INO80: variants seen among roughly 807,000 people sequenced by gnomAD.
The protein encoded by INO80 is chromatin-remodeling ATPase INO80.
A neutral mutation model predicts 203.4 loss-of-function variants in INO80; 20 were observed. The observed-to-expected ratio is 0.10, with a 90% confidence interval of 0.07 to 0.14. The LOEUF is 0.14. INO80 is among the 10% of genes least tolerant of loss of function. The pLI is 1.00. For missense variants in INO80, 1,419 were observed against 1,914.4 expected (o/e 0.74, Z 4.83); for synonymous variants, 726 against 685.2 (o/e 1.06, Z -0.93).
chr15:41,079,890 G>A lies in INO80; in HGVS notation c.942C>T (p.Cys314=). ...LTNSRKLAHQ[C]MKEVRRAALQ... is the part of the protein sequence containing the mutation. The stretch of plus-strand genomic sequence containing the variant: ...AGGCAGCTCGACGCACCTCCTTCAT[G>A]CACTGGTGAGCAAGCTGAAAACAAC... Residue 314 remains cysteine (C), a synonymous_variant, in exon 9 of 36, where the codon TGC becomes TGT. Coordinates refer to ENST00000648947, the MANE Select transcript of INO80 (RefSeq NM_017553.3). 6.2e-7 allele frequency: 1 copy of A among 1,613,954 alleles called. No individual in the cohort carries two copies. Among genetic ancestry groups the A allele is most frequent in the Non-Finnish European group, 8.5e-7 (1 of 1,179,990 alleles).
chr15:41,067,378 T>G (rs1197688326), intron 14 of INO80, among the ~76,000 whole-genome samples: 2 of 151,938 alleles, frequency 1.3e-5, no homozygotes, highest in African/African-American at 4.8e-5. Context: ...CCGGCCAAGA[T>G]CTTTTATTTT....
rs772084393 is a variant in INO80 at position 40,982,960 on chromosome 15, G to C, written c.4355C>G (p.Ser1452Cys). The change falls in exon 35 of 36, where the codon TCC becomes TGC. Residue 1452 changes from serine to cysteine, a missense_variant. Transcript: ENST00000648947. ...CATTGCAGCAGCACTGCCTGCCGTG[G>C]ACTTTCGGCTCCGGCCCTTCCCTGC... Reference protein sequence around the residue: ...KGAGKGRSRKSTAGSAAAMAG... With the variant: ...KGAGKGRSRKCTAGSAAAMAG... 2 of 1,614,212 alleles carry C rather than the reference G, an allele frequency of 1.2e-6. No individual in the cohort carries two copies. The highest frequency in any genetic ancestry group is 3.3e-5 in the Admixed American group (2 of 60,030).
chr15:41,039,070 A>C (rs1440561492), intron 24 of INO80, among the ~76,000 whole-genome samples: 2 of 152,320 alleles, frequency 1.3e-5, no homozygotes, highest in South Asian at 4.1e-4. Flanking sequence ...TTCTGTCATT[A>C]CTGTCCTTTA....
At chr15:41,081,193 T>C (rs1290482795) in intron 7 of INO80, 120 bp from the exon 8 acceptor site, 12 of 639,930 alleles carry the variant, frequency 1.9e-5, no homozygotes, top group South Asian at 1.3e-4. Context: ...AAGCAAGATA[T>C]ATTACTTCTA....
intron 27 of INO80, among the ~76,000 whole-genome samples, chr15:41,006,682 G>A (rs1475199454): frequency 6.6e-6 from 1 of 152,238 alleles, no homozygotes; most frequent in Non-Finnish European, 1.5e-5. Flanking sequence ...CTTAGATGGA[G>A]TGAGTGCCAA....
At chr15:41,077,757 C>T (rs1255902057) in intron 9 of INO80, among the ~76,000 whole-genome samples, 2 of 152,078 alleles carry the variant, frequency 1.3e-5, no homozygotes, top group Non-Finnish European at 2.9e-5. Context: ...TATGAAGTAT[C>T]ACTATGTTGC....
chr15:41,070,415 A>C (rs1414699943), intron 13 of INO80, 52 bp downstream of exon 13: 1 of 1,509,214 alleles, frequency 6.6e-7, no homozygotes, highest in Non-Finnish European at 9.2e-7. Context: ...TTTTCAACAG[A>C]AATTACCCTA....
intron 1 of INO80, among the ~76,000 whole-genome samples, chr15:41,113,390 C>T (rs2045984551): frequency 6.6e-6 from 1 of 152,114 alleles, no homozygotes; most frequent in Non-Finnish European, 1.5e-5. Context: ...CCTCAGCCTC[C>T]TGAGTAGCTG....
chr15:40,992,049 T>C (rs1322821083), intron 29 of INO80, among the ~76,000 whole-genome samples: 1 of 152,236 alleles, frequency 6.6e-6, no homozygotes, highest in African/African-American at 2.4e-5. Flanking sequence ...GTGCTGGGAT[T>C]ACAGGCGTGA....
chr15:41,020,640 C>CT (rs11369722), intron 26 of INO80, among the ~76,000 whole-genome samples: 127,041 of 146,910 alleles, frequency 0.86, 56,754 homozygotes, highest in East Asian at 0.99. Context: ...TTATTTCTAC[C>CT]TTTTTTTTTT....
rs1264865646 is a variant in INO80 at position 40,980,325 on chromosome 15, A to G, written c.4569T>C (p.Asn1523=). 4 of 1,613,910 alleles carry G rather than the reference A, an allele frequency of 2.5e-6. No homozygotes were observed. Among genetic ancestry groups the G allele is most frequent in the East Asian group, 4.5e-5 (2 of 44,896 alleles). Residue 1523 remains asparagine (N), a synonymous_variant, in exon 36 of 36, where the codon AAT becomes AAC. Transcript: ENST00000648947. ...PLSSPLSKGN[N]VPGNPKNLHM... Reference sequence around the variant, plus strand: ...GGAGGTTCTTGGGATTCCCAGGAACATTATTTCCCTTGCTCAAAGGGGAAC... The same window carrying G: ...GGAGGTTCTTGGGATTCCCAGGAACGTTATTTCCCTTGCTCAAAGGGGAAC...
At chr15:41,058,476 C>A (rs903259485) in intron 16 of INO80, among the ~76,000 whole-genome samples, 163 bp downstream of exon 16, 2 of 151,926 alleles carry the variant, frequency 1.3e-5, no homozygotes, top group African/African-American at 4.8e-5. Context: ...GCCTGGGCAG[C>A]AAAGCGAGAC....
At chr15:41,037,393 A>G (rs2044595255) in intron 24 of INO80, among the ~76,000 whole-genome samples, 1 of 151,944 alleles carries the variant, frequency 6.6e-6, no homozygotes. Flanking sequence ...CTGCAGTCCT[A>G]CTTGGGAGGC....
At chr15:41,112,180 G>A (rs2045967703) in intron 1 of INO80, among the ~76,000 whole-genome samples, 1 of 152,186 alleles carries the variant, frequency 6.6e-6, no homozygotes, top group Non-Finnish European at 1.5e-5. Context: ...GGGATTACAG[G>A]TGGAAACCAC....
intron 28 of INO80, among the ~76,000 whole-genome samples, chr15:41,002,569 C>CTA (rs1472926516): frequency 1.3e-5 from 2 of 152,170 alleles, no homozygotes; most frequent in Non-Finnish European, 2.9e-5. Context: ...AGTCAACATA[C>CTA]TACAGCTCTG....
Position 41,078,194 on chromosome 15 carries a change from G to A in INO80, c.1131+1507C>T, listed in dbSNP as rs550477169. Reference sequence around the variant, plus strand: ...ATTACAGACGTGAGCCACCGCGCCCGGCCAAGAATAATATCTTTAACCCTA... The same window carrying A: ...ATTACAGACGTGAGCCACCGCGCCCAGCCAAGAATAATATCTTTAACCCTA... On this transcript the variant is annotated intron_variant, in intron 9 of 35. Transcript: ENST00000648947. Among the ~76,000 whole-genome samples the A allele has an allele frequency of 2.8e-4, 42 of 152,070 alleles. 1 individual carries two copies. The highest frequency in any genetic ancestry group is 8.0e-4 in the African/African-American group (33 of 41,480).
rs552038057 is a variant in INO80 at position 41,072,106 on chromosome 15, A to C, written c.1396-48T>G. On this transcript the variant is annotated intron_variant, in intron 11 of 35. Coordinates refer to ENST00000648947, the MANE Select transcript of INO80 (RefSeq NM_017553.3). ...ATTAGAAAAAAAAAAAAGAGGAAAAATATTACATGAAAATAAGACTCAAGA... is the reference window on the plus strand; with the variant it reads ...ATTAGAAAAAAAAAAAAGAGGAAAACTATTACATGAAAATAAGACTCAAGA... 1.2e-4 allele frequency: 146 copies of C among 1,264,754 alleles called. 1 individual carries two copies. In the South Asian group the frequency reaches 1.9e-3, roughly 17 times the overall value. The allele number at this position is 1,264,754 out of a possible 1,614,324, so 78.3% of individuals were successfully genotyped here.
intron 24 of INO80, among the ~76,000 whole-genome samples, chr15:41,044,387 A>G (rs2044718738): frequency 6.6e-6 from 1 of 152,380 alleles, no homozygotes; most frequent in Admixed American, 6.5e-5. Context: ...AATGCTATAT[A>G]TGACATGGAC....
chr15:41,067,521 C>G (rs1385028874), intron 14 of INO80, among the ~76,000 whole-genome samples: 3 of 152,126 alleles, frequency 2.0e-5, no homozygotes, highest in African/African-American at 7.2e-5. Context: ...ATGATCTCAT[C>G]ATCATCTCAG....
Sources: allele counts gnomAD v4.1 joint callset (sites outside exome capture counted in the v4.1 genomes callset), GRCh38; gene constraint gnomAD v4.1.1; transcripts MANE v1.5; gene names NCBI Gene and HGNC (gene_info 2026-07-23, HGNC 2026-07-21).